NFIC: variants seen among roughly 807,000 people sequenced by gnomAD.
NFIC encodes nuclear factor 1 C-type.
A neutral mutation model predicts 54.4 loss-of-function variants in NFIC; 12 were observed. The observed-to-expected ratio is 0.22, with a 90% CI of 0.14 to 0.36. NFIC has a LOEUF of 0.36. Among genes scored for constraint, NFIC ranks in the 10% least tolerant of loss-of-function variants. The pLI is 1.00. For missense variants in NFIC, 575 were observed against 718.2 expected (o/e 0.80, Z 2.28); for synonymous variants, 322 against 319.2 (o/e 1.01, Z -0.09).
At chr19:3,395,773 C>T (rs921156086) in intron 2 of NFIC, among the ~76,000 whole-genome samples, 6 of 152,156 alleles carry the variant, frequency 3.9e-5, no homozygotes. Flanking sequence ...CTCCACCTCC[C>T]GGGTTCAAGC....
intron 2 of NFIC, among the ~76,000 whole-genome samples, chr19:3,408,245 GT>G (rs2081689313): frequency 6.6e-6 from 1 of 152,100 alleles, no homozygotes; most frequent in Admixed American, 6.6e-5. Flanking sequence ...AGCCCGCCGG[GT>G]TTTTAAATAA....
Position 3,453,742 on chromosome 19 carries a change from C to G in NFIC, c.1270-21C>G, listed in dbSNP as rs759712575. On this transcript the variant is annotated intron_variant, in intron 8 of 10. Coordinates refer to ENST00000443272, the MANE Select transcript of NFIC (RefSeq NM_001245002.2). The surrounding 1 kb of genome is among the most constrained non-coding windows in gnomAD (Gnocchi z 6.7). The stretch of plus-strand genomic sequence containing the variant: ...AGAGGGGGAGCCCACCCCTTAACCA[C>G]GTGTCTCTCTGTTCCCCCAGTTAAA... 6.3e-7 allele frequency: 1 copy of G among 1,594,568 alleles called. No individual in the cohort carries two copies. The highest frequency in any genetic ancestry group is 8.5e-7 in the Non-Finnish European group (1 of 1,172,414).
intron 6 of NFIC, among the ~76,000 whole-genome samples, chr19:3,436,726 C>T (rs1411505328): frequency 1.3e-5 from 2 of 152,176 alleles, no homozygotes; most frequent in African/African-American, 2.4e-5. Context: ...CCACCCACCT[C>T]GGCCTCCCAA....
rs145189079 is a variant in NFIC, at chr19:3,397,924, G to T, written c.562+15681G>T. 2.3e-3 allele frequency among the ~76,000 whole-genome samples: 351 copies of T among 152,302 alleles called. 4 individuals are homozygous for T. Among genetic ancestry groups the T allele is most frequent in the African/African-American group, 8.3e-3 (344 of 41,570 alleles). The stretch of plus-strand genomic sequence containing the variant: ...CTTGGGGGAGGCCTGTCTGGAGCAG[G>T]AGATGTGATAGGGTTTGGGTTTGAC... On this transcript the variant is annotated intron_variant, in intron 2 of 10. Transcript: ENST00000443272.
chr19:3,436,528 T>G (rs1016210174), intron 6 of NFIC, among the ~76,000 whole-genome samples: 5 of 149,846 alleles, frequency 3.3e-5, no homozygotes, highest in Non-Finnish European at 5.9e-5. Flanking sequence ...CAGGCTGGAG[T>G]GCAGTGGCGA....
rs768401201 is a variant in NFIC, at chr19:3,381,860, A to G, written c.179A>G (p.Glu60Gly). The change falls in exon 2 of 11, where the codon GAG (glutamate) becomes GGG (glycine). Residue 60 changes from glutamate to glycine, a missense_variant. Coordinates refer to ENST00000443272, the MANE Select transcript of NFIC (RefSeq NM_001245002.2). ...GACGAGGAGCGTGCGGTCAAGGACG[A>G]GCTGCTGGGCGAGAAGCCCGAGGTC... ...SKDEERAVKDELLGEKPEVKQ... is the reference protein window; with the variant it reads ...SKDEERAVKDGLLGEKPEVKQ... 6.2e-7 allele frequency: 1 copy of G among 1,613,998 alleles called. No individual in the cohort carries two copies. The highest frequency in any genetic ancestry group is 1.1e-5 in the South Asian group (1 of 91,090).
At chr19:3,418,222 C>G (rs1272159107) in intron 2 of NFIC, among the ~76,000 whole-genome samples, 3 of 151,722 alleles carry the variant, frequency 2.0e-5, no homozygotes, top group African/African-American at 7.3e-5. Flanking sequence ...CCTCAGCTCC[C>G]CGAGTAGCTG....
At chr19:3,462,147 C>T (rs1250307715) in intron 10 of NFIC, among the ~76,000 whole-genome samples, 4 of 152,000 alleles carry the variant, frequency 2.6e-5, no homozygotes, top group East Asian at 1.9e-4. Context: ...TTTGGGAGGC[C>T]GAGGAAGGTG....
rs190074628 is a variant in NFIC, at chr19:3,452,994, C to T, written c.1269+328C>T. ...CTCATGCCTGTGATCCCAGCGCTTT[C>T]GGAGGCCAAGGCGGGAGGATTGCAT... is the stretch of plus-strand genomic sequence containing the variant. On this transcript the variant is annotated intron_variant, in intron 8 of 10. Coordinates refer to ENST00000443272, the MANE Select transcript of NFIC (RefSeq NM_001245002.2). This position sits in a 1 kb window ranked among gnomAD's most constrained non-coding sequence, Gnocchi z 5.3. 2.0e-5 allele frequency among the ~76,000 whole-genome samples: 3 copies of T among 152,288 alleles called. No homozygotes were observed. Among genetic ancestry groups the T allele is most frequent in the African/African-American group, 7.2e-5 (3 of 41,552 alleles).
chr19:3,366,251 G>T (rs2080879740), upstream of NFIC, among the ~76,000 whole-genome samples: 1 of 151,260 alleles, frequency 6.6e-6, no homozygotes, highest in Non-Finnish European at 1.5e-5. Flanking sequence ...GGAGCGGGGG[G>T]GTCCTGAGAC....
At chr19:3,426,925 CTT>C (rs547112160) in intron 3 of NFIC, among the ~76,000 whole-genome samples, 20 of 137,560 alleles carry the variant, frequency 1.5e-4, no homozygotes, top group Admixed American at 2.2e-4. Context: ...TACCCTCAAT[CTT>C]TTTTTTTTTT....
At chr19:3,407,043 G>A (rs4806931) in intron 2 of NFIC, among the ~76,000 whole-genome samples, 128,113 of 149,894 alleles carry the variant, frequency 0.85, 56,219 homozygotes, top group East Asian at 0.97. Context: ...GGGCAGAGGC[G>A]GGCTGTGCAG....
chr19:3,394,766 C>G lies in NFIC; in HGVS notation c.562+12523C>G, dbSNP rs561474563. Reference sequence around the variant, plus strand: ...ACCTGAGCTCCACCTCCCGTCAGATCAGCGGGCGGCTCTGGGTGCCCCTAC... The same window carrying G: ...ACCTGAGCTCCACCTCCCGTCAGATGAGCGGGCGGCTCTGGGTGCCCCTAC... On this transcript the variant is annotated intron_variant, in intron 2 of 10. Coordinates refer to ENST00000443272, the MANE Select transcript of NFIC (RefSeq NM_001245002.2). Among the ~76,000 whole-genome samples, 273 of 152,060 alleles carry G rather than the reference C, an allele frequency of 1.8e-3. 1 individual carries two copies. The highest frequency in any genetic ancestry group is 2.4e-3 in the Non-Finnish European group (161 of 67,998).
Position 3,453,986 on chromosome 19 carries a change from C to T in NFIC, c.1423+70C>T. 7.0e-7 allele frequency: 1 copy of T among 1,428,576 alleles called. No homozygotes were observed. The highest frequency in any genetic ancestry group is 9.1e-7 in the Non-Finnish European group (1 of 1,099,438). 88.5% of individuals were successfully genotyped at this position (1,428,576 alleles called of 1,614,324 possible). ...GGGGGGCCTGTCCCCTCCCCAGCCC[C>T]ACTGCCAGGTCAGAGGTCAGGCCCG... On this transcript the variant is annotated intron_variant, in intron 9 of 10. Coordinates refer to ENST00000443272, the MANE Select transcript of NFIC (RefSeq NM_001245002.2). This position sits in a 1 kb window ranked among gnomAD's most constrained non-coding sequence, Gnocchi z 6.7.
upstream of NFIC, among the ~76,000 whole-genome samples, chr19:3,362,980 C>T (rs1442483224): frequency 6.6e-6 from 1 of 152,002 alleles, no homozygotes; most frequent in Non-Finnish European, 1.5e-5. Flanking sequence ...CCTTTAATTA[C>T]TGAAGCCATT....
At chr19:3,421,231 AACACCCGG>A in intron 2 of NFIC, among the ~76,000 whole-genome samples, 1 of 152,344 alleles carries the variant, frequency 6.6e-6, no homozygotes, top group South Asian at 2.1e-4. Flanking sequence ...TTCCCAGGGA[AACACCCGG>A]ATGCCAGCTG....
intron 7 of NFIC, among the ~76,000 whole-genome samples, chr19:3,451,542 G>A (rs934062855): frequency 1.3e-5 from 2 of 151,756 alleles, no homozygotes; most frequent in African/African-American, 4.8e-5. Context: ...GAGGCAGGAG[G>A]ATCACCTGAG....
intron 2 of NFIC, among the ~76,000 whole-genome samples, chr19:3,407,778 G>T (rs1377884202): frequency 6.6e-6 from 1 of 152,138 alleles, no homozygotes; most frequent in Non-Finnish European, 1.5e-5. Context: ...CAGGGTGCTG[G>T]GGACTAGAAC....
rs548613771 is a variant in NFIC, at chr19:3,447,993, C to T, written c.959-1021C>T. Among the ~76,000 whole-genome samples the T allele has an allele frequency of 1.8e-4, 27 of 152,362 alleles. No homozygotes were observed. In the East Asian group the frequency reaches 3.7e-3, roughly 21 times the overall value. ...GATCTCGGCCCACTGCAACCTCTGCCGCCTGGGTTCAAGCGATTCTCCTGC... is the reference window on the plus strand; with the variant it reads ...GATCTCGGCCCACTGCAACCTCTGCTGCCTGGGTTCAAGCGATTCTCCTGC... On this transcript the variant is annotated intron_variant, in intron 6 of 10. Coordinates refer to ENST00000443272, the MANE Select transcript of NFIC (RefSeq NM_001245002.2).
Sources: allele counts gnomAD v4.1 joint callset (sites outside exome capture counted in the v4.1 genomes callset), GRCh38; gene constraint gnomAD v4.1.1; non-coding constraint Gnocchi (gnomAD v3.1); transcripts MANE v1.5; gene names NCBI Gene and HGNC (gene_info 2026-07-23, HGNC 2026-07-21).